FAR2: variants seen among roughly 807,000 people sequenced by gnomAD.
The protein encoded by FAR2 is fatty acyl-CoA reductase 2, also known as epididymis secretory protein Li 81.
In FAR2, 19 loss-of-function variants were observed where a neutral mutation model predicts 56.0. That is an observed-to-expected ratio of 0.34 (90% CI 0.24 to 0.50). The LOEUF is 0.50. FAR2 is among the 20% of genes least tolerant of loss of function. The pLI is 0.98. For missense variants in FAR2, 508 were observed against 642.2 expected, an observed-to-expected ratio of 0.79 and a Z score of 2.26; for synonymous variants, 219 against 218.8, an observed-to-expected ratio of 1.00 and a Z score of -0.01.
chr12:29,214,355 T>A (rs1260153688), intron 1 of FAR2, among the ~76,000 whole-genome samples: 1 of 152,262 alleles, frequency 6.6e-6, no homozygotes. Context: ...CATTTCTTCA[T>A]GTTTGTTGCC....
intron 3 of FAR2, among the ~76,000 whole-genome samples, chr12:29,294,872 A>AT (rs959698274): frequency 2.0e-3 from 299 of 147,618 alleles, no homozygotes; most frequent in Non-Finnish European, 3.6e-3. Context: ...AAGCAGCTTT[A>AT]TTTTTTTTTT....
At chr12:29,203,440 C>A (rs964919129) in intron 1 of FAR2, among the ~76,000 whole-genome samples, 1 of 152,120 alleles carries the variant, frequency 6.6e-6, no homozygotes, top group Non-Finnish European at 1.5e-5. Context: ...ATAGAATCAT[C>A]CAAGATGAGT....
intron 10 of FAR2, among the ~76,000 whole-genome samples, chr12:29,331,184 A>T (rs1220295545): frequency 6.6e-6 from 1 of 150,486 alleles, no homozygotes; most frequent in African/African-American, 2.4e-5. Context: ...CTTTCACTGT[A>T]CGTGAAACTC....
chr12:29,165,962 A>G (rs979179567), intron 1 of FAR2, among the ~76,000 whole-genome samples: 6 of 152,244 alleles, frequency 3.9e-5, no homozygotes, highest in Non-Finnish European at 7.3e-5. Context: ...CTCCTGTCCT[A>G]TAGCAGTTAG....
At chr12:29,245,073 C>T (rs956575251) in intron 1 of FAR2, among the ~76,000 whole-genome samples, 4 of 152,054 alleles carry the variant, frequency 2.6e-5, no homozygotes, top group Non-Finnish European at 5.9e-5. Flanking sequence ...CTCCGTCTCC[C>T]GGGTTCAAGC....
chr12:29,323,596 C>T (rs529339002), intron 10 of FAR2, among the ~76,000 whole-genome samples: 23 of 152,294 alleles, frequency 1.5e-4, no homozygotes, highest in Admixed American at 5.9e-4. Flanking sequence ...CACCAATATC[C>T]GCTGTTCTGC....
intron 1 of FAR2, among the ~76,000 whole-genome samples, chr12:29,196,968 A>G (rs150641389): frequency 0.011 from 1,624 of 152,310 alleles, 22 homozygotes; most frequent in Non-Finnish European, 0.018. Flanking sequence ...AAATATGCTT[A>G]TAAGTAAAAG....
intron 1 of FAR2, chr12:29,171,805 G>A (rs984423637): frequency 1.1e-4 from 16 of 148,518 alleles, no homozygotes; most frequent in Admixed American, 5.3e-4. Flanking sequence ...CTGCCCGGCC[G>A]CTGCCCTGTC....
chr12:29,332,217 A>C (rs1949741193), intron 10 of FAR2, among the ~76,000 whole-genome samples: 2 of 152,228 alleles, frequency 1.3e-5, no homozygotes, highest in South Asian at 4.1e-4. Flanking sequence ...TTAAGAGGAA[A>C]GGGAAAGTTG....
chr12:29,178,498 C>T (rs1305865349), intron 1 of FAR2, among the ~76,000 whole-genome samples: 5 of 152,014 alleles, frequency 3.3e-5, no homozygotes, highest in African/African-American at 7.2e-5. Context: ...TGGGAGGCTG[C>T]GGTGGGAGTA....
Position 29,151,180 on chromosome 12 carries a change from A to C in FAR2, c.-39+1773A>C, listed in dbSNP as rs759659786. Among the ~76,000 whole-genome samples the C allele has an allele frequency of 2.6e-5, 4 of 152,184 alleles. No individual in the cohort carries two copies. The South Asian group carries it at 6.2e-4, about 24-fold the overall frequency. On this transcript the variant is annotated intron_variant, in intron 1 of 11. Coordinates refer to ENST00000536681, the MANE Select transcript of FAR2 (RefSeq NM_001271783.2). ...TGCATTAATTCCCATGCACTCATGA[A>C]AACTTACTTATTCACAAATATAGCC...
chr12:29,275,015 C>T (rs986523450), intron 2 of FAR2, among the ~76,000 whole-genome samples: 2 of 148,176 alleles, frequency 1.3e-5, no homozygotes, highest in African/African-American at 2.5e-5. Flanking sequence ...CGTCCTCCTG[C>T]TCTTTGCTCC....
At chr12:29,175,289 T>C (rs1949926612) in intron 1 of FAR2, among the ~76,000 whole-genome samples, 1 of 152,192 alleles carries the variant, frequency 6.6e-6, no homozygotes, top group Non-Finnish European at 1.5e-5. Context: ...CCGCGGACCT[T>C]CGTGGTGAGT....
At chr12:29,240,800 TA>T (rs1027629752) in intron 1 of FAR2, among the ~76,000 whole-genome samples, 2 of 89,530 alleles carry the variant, frequency 2.2e-5, no homozygotes, top group South Asian at 3.8e-4. Flanking sequence ...TGTGTATGTA[TA>T]TTTTTTTTTA....
At chr12:29,279,517 G>A (rs1948753148) in intron 2 of FAR2, among the ~76,000 whole-genome samples, 1 of 152,148 alleles carries the variant, frequency 6.6e-6, no homozygotes, top group Non-Finnish European at 1.5e-5. Flanking sequence ...ATTATGCTGA[G>A]TTTAGTACAC....
intron 1 of FAR2, among the ~76,000 whole-genome samples, chr12:29,214,408 G>A (rs1396192811): frequency 2.0e-5 from 3 of 152,194 alleles, no homozygotes; most frequent in Non-Finnish European, 4.4e-5. Flanking sequence ...TGAAACAGAA[G>A]TAATGAGACA....
In FAR2 at chr12:29,321,861, T is replaced by C. The variant is rs748905680; in HGVS notation, c.1194T>C (p.Ser398=). ...VSMLEYFINR[S]WEWSTYNTEM... is the part of the protein sequence containing the mutation. ...TGTTGGAGTATTTCATCAACCGGAG[T>C]TGGGAATGGAGCACGTACAATACAG... Residue 398 remains serine (S), a synonymous_variant, in exon 10 of 12, where the codon AGT becomes AGC. Coordinates refer to ENST00000536681, the MANE Select transcript of FAR2 (RefSeq NM_001271783.2). 1 of 1,613,606 alleles carries C rather than the reference T, an allele frequency of 6.2e-7. No individual in the cohort carries two copies. Among genetic ancestry groups the C allele is most frequent in the South Asian group, 1.1e-5 (1 of 91,068 alleles).
chr12:29,201,221 G>A (rs1947407479), intron 1 of FAR2, among the ~76,000 whole-genome samples: 1 of 152,132 alleles, frequency 6.6e-6, no homozygotes, highest in Non-Finnish European at 1.5e-5. Context: ...CACAGATGCT[G>A]CCATTATTTG....
intron 1 of FAR2, among the ~76,000 whole-genome samples, chr12:29,179,422 C>T (rs1255976962): frequency 6.6e-6 from 1 of 152,168 alleles, no homozygotes; most frequent in African/African-American, 2.4e-5. Context: ...GTGTACTTAC[C>T]CTATGCCAGG....
Sources: gnomAD v4.1 joint callset for allele counts (sites outside exome capture counted in the v4.1 genomes callset) on GRCh38, gnomAD v4.1.1 for gene constraint, MANE v1.5 for transcripts, NCBI Gene and HGNC (gene_info 2026-07-23, HGNC 2026-07-21) for gene names.